The following THRB variants were observed in gnomAD, a reference collection of about 807,000 sequenced individuals.
The protein encoded by THRB is thyroid hormone receptor beta.
Under a neutral mutation model 47.8 loss-of-function variants are expected in THRB, and 12 were observed. That is an observed-to-expected ratio of 0.25 (90% confidence interval 0.16 to 0.41). The LOEUF (loss-of-function observed/expected upper bound fraction) is 0.41, where lower values mean the gene tolerates loss of function less well. THRB is among the 10% of genes least tolerant of loss of function. The pLI is 1.00. For missense variants in THRB, 348 were observed against 589.2 expected (o/e 0.59, Z 4.24); for synonymous variants, 218 against 212.2 (o/e 1.03, Z -0.24).
intron 1 of THRB, among the ~76,000 whole-genome samples, chr3:24,375,599 C>A (rs995780580): frequency 6.7e-6 from 1 of 149,630 alleles, no homozygotes; most frequent in African/African-American, 2.4e-5. Flanking sequence ...GAAAAACTAA[C>A]TCAAGGAATA....
intron 4 of THRB, among the ~76,000 whole-genome samples, chr3:24,223,003 A>G (rs1394258192): frequency 6.6e-6 from 1 of 152,192 alleles, no homozygotes; most frequent in Non-Finnish European, 1.5e-5. Flanking sequence ...CCATCTATCT[A>G]AAGCCTCCCA....
chr3:24,483,294 A>G lies in THRB; in HGVS notation c.-261+11358T>C, dbSNP rs146835936. Among the ~76,000 whole-genome samples, 557 of 152,264 alleles carry G rather than the reference A, an allele frequency of 3.7e-3. 4 individuals are homozygous for G. Among genetic ancestry groups the G allele is most frequent in the African/African-American group, 0.012 (505 of 41,560 alleles). On this transcript the variant is annotated intron_variant, in intron 1 of 10. Transcript: ENST00000646209. ...GAAAAGTGTGTGTCCCATTATAGTAAGAAATTATAGAGTAATTACTAGGTT... is the reference window on the plus strand; with the variant it reads ...GAAAAGTGTGTGTCCCATTATAGTAGGAAATTATAGAGTAATTACTAGGTT...
chr3:24,318,670 T>A (rs1218815346), intron 2 of THRB, among the ~76,000 whole-genome samples: 1 of 152,206 alleles, frequency 6.6e-6, no homozygotes, highest in African/African-American at 2.4e-5. Flanking sequence ...ATGTGCCCAA[T>A]AAATGCTCAC....
chr3:24,442,650 C>T (rs1004550558), intron 1 of THRB, among the ~76,000 whole-genome samples: 2 of 151,640 alleles, frequency 1.3e-5, no homozygotes, highest in African/African-American at 4.8e-5. Context: ...CATGGAGAAA[C>T]CCTTCTCTAC....
At chr3:24,233,599 G>GAAAAAT (rs1439480686) in intron 3 of THRB, among the ~76,000 whole-genome samples, 3 of 150,798 alleles carry the variant, frequency 2.0e-5, no homozygotes, top group African/African-American at 7.3e-5. Context: ...AAGAAAGAAA[G>GAAAAAT]AAAGAAAGAA....
intron 3 of THRB, among the ~76,000 whole-genome samples, chr3:24,292,236 G>C (rs186298490): frequency 5.3e-5 from 8 of 152,294 alleles, no homozygotes; most frequent in Admixed American, 3.3e-4. Flanking sequence ...CCTACAGGGA[G>C]TAGGGCTGGA....
intron 1 of THRB, among the ~76,000 whole-genome samples, chr3:24,439,142 G>A (rs1232045289): frequency 1.3e-5 from 2 of 152,112 alleles, no homozygotes; most frequent in East Asian, 1.9e-4. Flanking sequence ...CCTGTGGCAT[G>A]GAGGCTGTAA....
At chr3:24,208,835 T>C (rs932832430) in intron 4 of THRB, among the ~76,000 whole-genome samples, 3 of 151,994 alleles carry the variant, frequency 2.0e-5, no homozygotes, top group Non-Finnish European at 4.4e-5. Flanking sequence ...AAGCCAAAAT[T>C]GACAAATGGG....
At chr3:24,489,700 G>C (rs766409264) in intron 1 of THRB, among the ~76,000 whole-genome samples, 18 of 152,170 alleles carry the variant, frequency 1.2e-4, no homozygotes, top group Non-Finnish European at 1.9e-4. Context: ...TTTGAAATTA[G>C]GACAGTAGGG....
At chr3:24,260,790 G>C (rs957325977) in intron 3 of THRB, among the ~76,000 whole-genome samples, 3 of 152,110 alleles carry the variant, frequency 2.0e-5, no homozygotes, top group Non-Finnish European at 2.9e-5. Flanking sequence ...ATTTAACTGA[G>C]AACACAGAAG....
Position 24,286,878 on chromosome 3 carries a change from T to G in THRB, c.-43+10348A>C, listed in dbSNP as rs186841774. Among the ~76,000 whole-genome samples, 68 of 152,312 alleles carry G rather than the reference T, an allele frequency of 4.5e-4. 4 individuals carry two copies. In the East Asian group the frequency reaches 7.7e-3, roughly 17 times the overall value. On this transcript the variant is annotated intron_variant, in intron 3 of 10. Transcript: ENST00000646209. ...TTTCTCACCGTTAGCCTGGGCGGCA[T>G]GGGGTTCCAAGAGGAACACGAGAGT...
intron 5 of THRB, among the ~76,000 whole-genome samples, chr3:24,187,473 G>T (rs939206091): frequency 1.3e-5 from 2 of 152,128 alleles, no homozygotes; most frequent in Non-Finnish European, 2.9e-5. Flanking sequence ...GTATCCTCAG[G>T]ACTATTTTGT....
chr3:24,231,088 G>T (rs1180814372), intron 3 of THRB, among the ~76,000 whole-genome samples: 2 of 152,280 alleles, frequency 1.3e-5, no homozygotes, highest in African/African-American at 4.8e-5. Context: ...TGGCTATTCA[G>T]CCCTTCCTTG....
intron 1 of THRB, among the ~76,000 whole-genome samples, chr3:24,449,110 A>T (rs932939946): frequency 6.6e-6 from 1 of 152,216 alleles, no homozygotes; most frequent in African/African-American, 2.4e-5. Context: ...AAGTTGGCCA[A>T]TGAAAGACAA....
At chr3:24,468,577 A>G (rs976926896) in intron 1 of THRB, among the ~76,000 whole-genome samples, 1 of 152,188 alleles carries the variant, frequency 6.6e-6, no homozygotes, top group African/African-American at 2.4e-5. Context: ...CTCAGGGAGT[A>G]AGGAGGTTTG....
At chr3:24,428,496 G>A (rs1351651812) in intron 1 of THRB, among the ~76,000 whole-genome samples, 1 of 152,028 alleles carries the variant, frequency 6.6e-6, no homozygotes, top group Non-Finnish European at 1.5e-5. Flanking sequence ...TACCAGCAGT[G>A]TTGCTGTTTG....
At chr3:24,411,089 G>A (rs2068255553) in intron 1 of THRB, among the ~76,000 whole-genome samples, 8 of 151,748 alleles carry the variant, frequency 5.3e-5, no homozygotes, top group Admixed American at 5.3e-4. Flanking sequence ...GTCTGCTGCT[G>A]TGAAGCTGGC....
intron 4 of THRB, among the ~76,000 whole-genome samples, chr3:24,206,576 A>G (rs1361221921): frequency 6.6e-6 from 1 of 152,228 alleles, no homozygotes; most frequent in Admixed American, 6.5e-5. Context: ...ACACCCTAAC[A>G]TCACAATTAA....
chr3:24,331,895 T>C (rs1334320073), intron 2 of THRB, among the ~76,000 whole-genome samples: 1 of 152,166 alleles, frequency 6.6e-6, no homozygotes, highest in Admixed American at 6.5e-5. Flanking sequence ...TTATCCATCA[T>C]ACACTTGGCT....
Sources: gnomAD v4.1 joint callset for allele counts (sites outside exome capture counted in the v4.1 genomes callset) on GRCh38, gnomAD v4.1.1 for gene constraint, MANE v1.5 for transcripts, NCBI Gene and HGNC (gene_info 2026-07-23, HGNC 2026-07-21) for gene names.